RALYL: variants seen among roughly 807,000 people sequenced by gnomAD.
The protein encoded by RALYL is RALY RNA binding protein like.
A neutral mutation model predicts 35.1 loss-of-function variants in RALYL; 29 were observed. That is an observed-to-expected ratio of 0.83 (90% confidence interval 0.61 to 1.13). The LOEUF (loss-of-function observed/expected upper bound fraction) is 1.13. RALYL is among the 50% of genes most tolerant of loss of function. RALYL has a pLI of 0.00. For missense variants in RALYL, 359 were observed against 360.4 expected, an observed-to-expected ratio of 1.00 and a Z score of 0.03; for synonymous variants, 120 against 127.6, an observed-to-expected ratio of 0.94 and a Z score of 0.40.
intron 1 of RALYL, among the ~76,000 whole-genome samples, chr8:84,381,352 A>G (rs1319980616): frequency 6.6e-6 from 1 of 151,906 alleles, no homozygotes; most frequent in African/African-American, 2.4e-5. Context: ...ACCATTTCCC[A>G]TGTGGATAAC....
intron 3 of RALYL, among the ~76,000 whole-genome samples, chr8:84,782,190 G>A (rs987621583): frequency 6.6e-6 from 1 of 152,126 alleles, no homozygotes; most frequent in Non-Finnish European, 1.5e-5. Flanking sequence ...TAAAATTCTA[G>A]GAGTAGTGTT....
chr8:84,253,616 G>A (rs1830661834), intron 1 of RALYL, among the ~76,000 whole-genome samples: 1 of 152,034 alleles, frequency 6.6e-6, no homozygotes, highest in African/African-American at 2.4e-5. Context: ...CCCCCGGGGT[G>A]CTGTTACAGT....
intron 1 of RALYL, among the ~76,000 whole-genome samples, chr8:84,275,474 A>AAT (rs112699780): frequency 0.013 from 1,948 of 146,990 alleles, 25 homozygotes; most frequent in African/African-American, 0.029. Flanking sequence ...GATGTTTTGA[A>AAT]ATATATATAT....
At chr8:84,540,389 G>T (rs554199780) in intron 2 of RALYL, among the ~76,000 whole-genome samples, 1 of 151,314 alleles carries the variant, frequency 6.6e-6, no homozygotes, top group Non-Finnish European at 1.5e-5. Flanking sequence ...TTTCTAGTTG[G>T]CTAACAACTT....
chr8:84,661,929 C>T (rs1462957768), intron 2 of RALYL, among the ~76,000 whole-genome samples: 1 of 150,088 alleles, frequency 6.7e-6, no homozygotes, highest in Non-Finnish European at 1.5e-5. Flanking sequence ...GTCATAGTCA[C>T]ATTTTTGTTA....
At chr8:84,646,010 A>C (rs940410621) in intron 2 of RALYL, among the ~76,000 whole-genome samples, 1 of 151,946 alleles carries the variant, frequency 6.6e-6, no homozygotes, top group African/African-American at 2.4e-5. Flanking sequence ...ATGCAGATTC[A>C]GGTCTTCTTT....
chr8:84,353,781 G>C (rs1296276022), intron 1 of RALYL, among the ~76,000 whole-genome samples: 1 of 150,296 alleles, frequency 6.7e-6, no homozygotes, highest in Non-Finnish European at 1.5e-5. Context: ...AGGGTTAATA[G>C]AGCTGAGTAA....
At chr8:84,474,168 A>G in intron 1 of RALYL, among the ~76,000 whole-genome samples, 1 of 152,124 alleles carries the variant, frequency 6.6e-6, no homozygotes, top group Non-Finnish European at 1.5e-5. Flanking sequence ...AAAATTAAAC[A>G]TGCGAAAGAA....
chr8:84,436,196 C>G (rs59717743), intron 1 of RALYL, among the ~76,000 whole-genome samples: 1 of 152,054 alleles, frequency 6.6e-6, no homozygotes, highest in East Asian at 1.9e-4. Flanking sequence ...CTAGATGATT[C>G]TGATATGGAT....
chr8:84,474,565 G>C (rs149955261), intron 1 of RALYL, among the ~76,000 whole-genome samples: 12 of 152,064 alleles, frequency 7.9e-5, no homozygotes, highest in African/African-American at 2.7e-4. Flanking sequence ...TAAATTCCTC[G>C]ATGGAACTTC....
At chr8:84,641,147 T>G (rs1333863059) in intron 2 of RALYL, among the ~76,000 whole-genome samples, 5 of 151,478 alleles carry the variant, frequency 3.3e-5, no homozygotes, top group Admixed American at 3.3e-4. Context: ...CCTTTTTATT[T>G]AAAATATATT....
chr8:84,620,762 A>G (rs1243160476), intron 2 of RALYL, among the ~76,000 whole-genome samples: 5 of 151,388 alleles, frequency 3.3e-5, no homozygotes, highest in Non-Finnish European at 5.9e-5. Context: ...TGATGTACAG[A>G]TGGGTTTTTG....
intron 7 of RALYL, among the ~76,000 whole-genome samples, chr8:84,878,616 A>AAT (rs1841630279): frequency 6.6e-6 from 1 of 151,886 alleles, no homozygotes; most frequent in Non-Finnish European, 1.5e-5. Flanking sequence ...GAAAAAAAAA[A>AAT]CACTAATACC....
At chr8:84,785,389 C>T (rs927527738) in intron 3 of RALYL, among the ~76,000 whole-genome samples, 1 of 152,134 alleles carries the variant, frequency 6.6e-6, no homozygotes, top group African/African-American at 2.4e-5. Flanking sequence ...CTTTAAGCCC[C>T]ATTTTCTCAT....
At chr8:84,892,819 T>C (rs1010599101) in intron 8 of RALYL, among the ~76,000 whole-genome samples, 1 of 152,152 alleles carries the variant, frequency 6.6e-6, no homozygotes, top group Non-Finnish European at 1.5e-5. Context: ...AAATCTGTGA[T>C]TCTACAATAA....
intron 1 of RALYL, among the ~76,000 whole-genome samples, chr8:84,231,503 C>T (rs897293718): frequency 1.3e-5 from 2 of 152,092 alleles, no homozygotes; most frequent in South Asian, 2.1e-4. Context: ...GAACGTAAAG[C>T]GCAATGCCAT....
intron 3 of RALYL, among the ~76,000 whole-genome samples, chr8:84,793,021 T>A (rs1821155587): frequency 6.6e-6 from 1 of 152,122 alleles, no homozygotes; most frequent in African/African-American, 2.4e-5. Flanking sequence ...GAAGTTGCAG[T>A]TAAGTGTGAT....
chr8:84,497,650 T>TG (rs1020117975), intron 1 of RALYL, among the ~76,000 whole-genome samples: 8 of 148,588 alleles, frequency 5.4e-5, no homozygotes, highest in African/African-American at 1.5e-4. Flanking sequence ...TTGTTTTTTT[T>TG]TTTTTTTTTG....
chr8:84,741,519 A>G (rs990500287), intron 2 of RALYL, among the ~76,000 whole-genome samples: 3 of 152,072 alleles, frequency 2.0e-5, no homozygotes, highest in Admixed American at 6.6e-5. Context: ...GTGGACTCAC[A>G]TGGCAGAAGA....
Sources: allele counts gnomAD v4.1 joint callset (sites outside exome capture counted in the v4.1 genomes callset), GRCh38; gene constraint gnomAD v4.1.1; transcripts MANE v1.5; gene names NCBI Gene and HGNC (gene_info 2026-07-23, HGNC 2026-07-21).